CABIN1: variants seen among roughly 807,000 people sequenced by gnomAD.
The protein encoded by CABIN1 is calcineurin binding protein 1, also known as calcineurin-binding protein cabin-1.
A neutral mutation model predicts 227.7 loss-of-function variants in CABIN1; 133 were observed. The ratio of observed to expected loss-of-function variants is 0.58; its 90% CI spans 0.51 to 0.67. The LOEUF (loss-of-function observed/expected upper bound fraction) is 0.67, where lower values mean the gene tolerates loss of function less well. Ranked by LOEUF, CABIN1 falls within the 30% of genes least tolerant of loss-of-function variation. The probability of loss-of-function intolerance (pLI) is 0.00; values close to 1 mark genes in which losing one functional copy is unlikely to be tolerated. For missense variants in CABIN1, 2,408 were observed against 2,852.5 expected, an observed-to-expected ratio of 0.84 and a Z score of 3.55; for synonymous variants, 1,086 against 1,155.1, an observed-to-expected ratio of 0.94 and a Z score of 1.21.
chr22:24,016,410 C>G (rs1395158529), intron 1 of CABIN1, among the ~76,000 whole-genome samples: 1 of 152,190 alleles, frequency 6.6e-6, no homozygotes, highest in East Asian at 1.9e-4. Flanking sequence ...TGGGTTTCTA[C>G]TTATGCATTA....
At chr22:24,125,654 G>A (rs938554207) in intron 28 of CABIN1, among the ~76,000 whole-genome samples, 4 of 152,202 alleles carry the variant, frequency 2.6e-5, no homozygotes, top group South Asian at 2.1e-4. Flanking sequence ...CAGGGTGTTC[G>A]CCTGCCTTTA....
chr22:24,150,625 C>G (rs1011556962), intron 29 of CABIN1, among the ~76,000 whole-genome samples: 1 of 152,280 alleles, frequency 6.6e-6, no homozygotes, highest in African/African-American at 2.4e-5. Flanking sequence ...TAGGACAGGA[C>G]AGGGGGCTAG....
intron 8 of CABIN1, among the ~76,000 whole-genome samples, chr22:24,053,942 T>C (rs1487032344): frequency 6.6e-6 from 1 of 151,958 alleles, no homozygotes; most frequent in Non-Finnish European, 1.5e-5. Flanking sequence ...GGAGCTGGGG[T>C]CTGACTGAGG....
At chr22:24,056,640 C>T in intron 10 of CABIN1, 1 of 427,764 alleles carries the variant, frequency 2.3e-6, no homozygotes, top group East Asian at 4.5e-5. Flanking sequence ...ATTTACAAGA[C>T]ATCTATTTGT....
intron 27 of CABIN1, among the ~76,000 whole-genome samples, chr22:24,115,212 T>C (rs1258826353): frequency 2.0e-5 from 3 of 152,234 alleles, no homozygotes; most frequent in Non-Finnish European, 4.4e-5. Flanking sequence ...CATTGTGTCA[T>C]CATGAGCTTC....
intron 29 of CABIN1, among the ~76,000 whole-genome samples, chr22:24,148,879 CAG>C (rs2045318569): frequency 6.6e-6 from 1 of 152,236 alleles, no homozygotes; most frequent in African/African-American, 2.4e-5. Flanking sequence ...GCGGCCATCC[CAG>C]AGAAGTCAAC....
chr22:24,135,267 G>A (rs1194570021), intron 29 of CABIN1, among the ~76,000 whole-genome samples: 1 of 137,982 alleles, frequency 7.2e-6, no homozygotes, highest in Non-Finnish European at 1.6e-5. Context: ...GCAGGCACCT[G>A]TAATCCCAGC....
At chr22:24,084,274 T>C (rs1432793251) in intron 20 of CABIN1, among the ~76,000 whole-genome samples, 1 of 151,740 alleles carries the variant, frequency 6.6e-6, no homozygotes, top group Non-Finnish European at 1.5e-5. Context: ...AGTCTCACTC[T>C]GTTGCCCAGG....
chr22:24,141,852 G>A (rs112142620), intron 29 of CABIN1, among the ~76,000 whole-genome samples: 1 of 152,276 alleles, frequency 6.6e-6, no homozygotes, highest in African/African-American at 2.4e-5. Context: ...ATCATGAGCT[G>A]TCTTTGTTTC....
chr22:24,105,441 G>T (rs1304543269), intron 26 of CABIN1, among the ~76,000 whole-genome samples: 3 of 152,198 alleles, frequency 2.0e-5, no homozygotes, highest in African/African-American at 7.2e-5. Flanking sequence ...CAGGTTTTGT[G>T]TGGGCAGATT....
In CABIN1 at chr22:24,171,647, C is replaced by T. The variant is rs377367623; in HGVS notation, c.5758-66C>T. The T allele has an allele frequency of 9.6e-4, 1,531 of 1,590,628 alleles. 23 individuals are homozygous for T. In the South Asian group the frequency reaches 0.016, roughly 16 times the overall value. On this transcript the variant is annotated intron_variant, in intron 33 of 36. Coordinates refer to ENST00000263119, the MANE Select transcript of CABIN1 (RefSeq NM_012295.4). ...CTGTGGGACAGCACTGGTCGGCTGG[C>T]GGGCAGAGCAGCGTGGGCTCAGGGC...
In CABIN1 at chr22:24,178,051, A is replaced by C; in HGVS notation, c.6520-2A>C. The C allele has an allele frequency of 6.2e-7, 1 of 1,613,564 alleles. No individual in the cohort carries two copies. The highest frequency in any genetic ancestry group is 8.5e-7 in the Non-Finnish European group (1 of 1,179,938). On this transcript the variant is annotated splice_acceptor_variant, in intron 36 of 36. Transcript: ENST00000263119. LOFTEE classifies it high-confidence loss of function. ...CAGTGCCCCGCCCGGCCCTCTCCGC[A>C]GTCAGCCATCCTTTCTGCCCAGTCT...
At chr22:24,092,357 T>G (rs1187279579) in intron 24 of CABIN1, among the ~76,000 whole-genome samples, 1 of 152,184 alleles carries the variant, frequency 6.6e-6, no homozygotes, top group Non-Finnish European at 1.5e-5. Flanking sequence ...AGTTCTTTAC[T>G]CCCTGGATTT....
In CABIN1 at chr22:24,036,078, C is replaced by G; in HGVS notation, c.4-11C>G. 6.2e-7 allele frequency: 1 copy of G among 1,604,440 alleles called. No homozygotes were observed. Among genetic ancestry groups the G allele is most frequent in the Non-Finnish European group, 8.5e-7 (1 of 1,171,306 alleles). ...AGCAACTTGTCTCTTCCACCAAACC[C>G]CTGTTTCTAGATTCGAATTGCAGCC... On this transcript the variant is annotated splice_polypyrimidine_tract_variant and intron_variant, in intron 2 of 36. Coordinates refer to ENST00000263119, the MANE Select transcript of CABIN1 (RefSeq NM_012295.4).
intron 29 of CABIN1, among the ~76,000 whole-genome samples, chr22:24,152,783 C>G (rs982471983): frequency 6.6e-6 from 1 of 152,132 alleles, no homozygotes; most frequent in African/African-American, 2.4e-5. Context: ...GACCCCATCT[C>G]TACTAAAAAT....
At chr22:24,092,882 T>C (rs2041642473) in intron 24 of CABIN1, among the ~76,000 whole-genome samples, 1 of 152,210 alleles carries the variant, frequency 6.6e-6, no homozygotes, top group Non-Finnish European at 1.5e-5. Flanking sequence ...CATTTTCTTA[T>C]GATTTTGCAG....
intron 27 of CABIN1, among the ~76,000 whole-genome samples, chr22:24,117,810 C>CT (rs1284571860): frequency 1.3e-5 from 2 of 152,256 alleles, no homozygotes; most frequent in Admixed American, 6.5e-5. Flanking sequence ...GCATCATCAT[C>CT]TGATTCCTCT....
chr22:24,054,983 C>G lies in CABIN1; in HGVS notation c.917C>G (p.Pro306Arg). The G allele has an allele frequency of 1.2e-6, 2 of 1,614,226 alleles. No homozygotes were observed. The highest frequency in any genetic ancestry group is 1.7e-6 in the Non-Finnish European group (2 of 1,180,042). Residue 306 changes from proline to arginine, a missense_variant, in exon 9 of 37, where the codon CCC becomes CGC. By Grantham distance (103) the Pro-to-Arg change is moderately radical. Coordinates refer to ENST00000263119, the MANE Select transcript of CABIN1 (RefSeq NM_012295.4). The part of the protein sequence containing the change: ...KRIDLSDYQD[P>R]SQPLESSMVV... ...ATTGATTTGTCGGACTACCAGGACC[C>G]CAGCCAGCCTCTTGAGTCCTCCATG...
chr22:24,105,560 T>C (rs2042464858), intron 26 of CABIN1, among the ~76,000 whole-genome samples: 1 of 152,156 alleles, frequency 6.6e-6, no homozygotes, highest in African/African-American at 2.4e-5. Flanking sequence ...AAATCAGCTC[T>C]CAGCTCCTGA....
Sources: gnomAD v4.1 joint callset for allele counts (sites outside exome capture counted in the v4.1 genomes callset) on GRCh38, gnomAD v4.1.1 for gene constraint, MANE v1.5 for transcripts, NCBI Gene and HGNC (gene_info 2026-07-23, HGNC 2026-07-21) for gene names.